CA10: variants seen among roughly 807,000 people sequenced by gnomAD.
The protein encoded by CA10 is carbonic anhydrase 10 (inactive), also known as carbonic anhydrase-related protein 10.
Under a neutral mutation model 44.2 loss-of-function variants are expected in CA10, and 14 were observed. That is an observed-to-expected ratio of 0.32 (90% CI 0.21 to 0.50). The LOEUF (loss-of-function observed/expected upper bound fraction) is 0.50. Among genes scored for constraint, CA10 ranks in the 20% least tolerant of loss-of-function variants. CA10 has a pLI of 0.99. For synonymous variants in CA10, 159 were observed against 141.6 expected, an observed-to-expected ratio of 1.12 and a Z score of -0.87; for missense variants, 350 against 409.7, an observed-to-expected ratio of 0.85 and a Z score of 1.26.
At chr17:52,154,164 A>G (rs1989757827) in intron 1 of CA10, among the ~76,000 whole-genome samples, 1 of 152,196 alleles carries the variant, frequency 6.6e-6, no homozygotes, top group Admixed American at 6.5e-5. Flanking sequence ...ATTCTTTCAG[A>G]GACATCAAAA....
At chr17:52,137,920 C>T (rs1989394818) in intron 1 of CA10, among the ~76,000 whole-genome samples, 2 of 152,074 alleles carry the variant, frequency 1.3e-5, no homozygotes, top group Admixed American at 1.3e-4. Context: ...GTCATGCTCC[C>T]TGGACTGTCA....
At chr17:52,043,544 C>A (rs556643922) in intron 2 of CA10, among the ~76,000 whole-genome samples, 2 of 151,978 alleles carry the variant, frequency 1.3e-5, no homozygotes, top group Non-Finnish European at 2.9e-5. Context: ...CAATTTGAAT[C>A]TTTTATTTCT....
chr17:51,771,346 G>A (rs758820531), intron 3 of CA10, among the ~76,000 whole-genome samples: 1 of 152,038 alleles, frequency 6.6e-6, no homozygotes, highest in Non-Finnish European at 1.5e-5. Context: ...GATGTGAAAA[G>A]GTGCTCCTTA....
At chr17:51,800,867 G>T (rs545318872) in intron 3 of CA10, among the ~76,000 whole-genome samples, 2 of 152,140 alleles carry the variant, frequency 1.3e-5, no homozygotes, top group East Asian at 3.9e-4. Flanking sequence ...ATGGATTTTG[G>T]GGGTATCCAC....
At chr17:51,812,545 G>A (rs899457369) in intron 3 of CA10, among the ~76,000 whole-genome samples, 8 of 152,200 alleles carry the variant, frequency 5.3e-5, no homozygotes, top group Admixed American at 3.3e-4. Context: ...ACTAATCCAT[G>A]GATGTTGAGG....
At chr17:51,854,697 A>T (rs1483008472) in intron 3 of CA10, among the ~76,000 whole-genome samples, 1 of 151,298 alleles carries the variant, frequency 6.6e-6, no homozygotes, top group Non-Finnish European at 1.5e-5. Context: ...ATATGGTACA[A>T]GGCACTCTAA....
intron 1 of CA10, among the ~76,000 whole-genome samples, chr17:52,076,292 T>G (rs956199598): frequency 1.3e-5 from 2 of 152,214 alleles, no homozygotes; most frequent in Admixed American, 1.3e-4. Context: ...ACCAAAAGCT[T>G]CTGTTCCATC....
At position 51,747,794 on chromosome 17, in the gene CA10, C is replaced by T. The variant is rs766432966; in HGVS notation, c.304G>A (p.Gly102Arg). 3.7e-6 allele frequency: 6 copies of T among 1,613,162 alleles called. No individual in the cohort carries two copies. The South Asian group carries it at 6.6e-5, about 18-fold the overall frequency. Reference sequence around the variant, plus strand: ...TCCAGGCGAAGGGATACGTGTCTTCCAGTGTTGTACATGGTCCCACTGACC... The same window carrying T: ...TCCAGGCGAAGGGATACGTGTCTTCTAGTGTTGTACATGGTCCCACTGACC... The part of the protein sequence containing the change: ...RKVSGTMYNT[G>R]RHVSLRLDKE... Residue 102 changes from glycine (G) to arginine (R), a missense_variant, in exon 4 of 9, where the codon GGA (glycine) becomes AGA (arginine). Physicochemically the swap from Gly to Arg is moderately radical, Grantham distance 125 (BLOSUM62 -2). Transcript: ENST00000451037.
intron 3 of CA10, among the ~76,000 whole-genome samples, chr17:51,920,128 T>C (rs539045397): frequency 6.6e-6 from 1 of 152,336 alleles, no homozygotes; most frequent in South Asian, 2.1e-4. Flanking sequence ...ATAAAAATTA[T>C]ACTCAGTTCT....
At chr17:52,017,571 C>T (rs549698326) in intron 2 of CA10, among the ~76,000 whole-genome samples, 3 of 152,238 alleles carry the variant, frequency 2.0e-5, no homozygotes, top group Non-Finnish European at 2.9e-5. Context: ...GAAGATGTGG[C>T]ATGGCTGCTT....
At chr17:52,150,671 T>C (rs182003010) in intron 1 of CA10, among the ~76,000 whole-genome samples, 5 of 152,306 alleles carry the variant, frequency 3.3e-5, no homozygotes, top group African/African-American at 1.2e-4. Flanking sequence ...TGTAGTAAGA[T>C]AAAACTGCTA....
At chr17:51,886,687 G>A (rs1027084046) in intron 3 of CA10, among the ~76,000 whole-genome samples, 2 of 152,210 alleles carry the variant, frequency 1.3e-5, no homozygotes, top group Non-Finnish European at 2.9e-5. Context: ...GTTTCTGGAA[G>A]AGATTAGCAT....
At chr17:51,798,432 C>T (rs1906798520) in intron 3 of CA10, among the ~76,000 whole-genome samples, 1 of 152,190 alleles carries the variant, frequency 6.6e-6, no homozygotes, top group African/African-American at 2.4e-5. Context: ...ATGGCTAAAA[C>T]TTCTGGTTTA....
chr17:51,639,980 C>T (rs530298702), intron 6 of CA10, among the ~76,000 whole-genome samples: 3 of 152,272 alleles, frequency 2.0e-5, no homozygotes, highest in African/African-American at 7.2e-5. Flanking sequence ...CCTACCCTGC[C>T]CTGGAATAAC....
At chr17:51,769,129 G>A (rs776629273) in intron 3 of CA10, among the ~76,000 whole-genome samples, 5 of 152,002 alleles carry the variant, frequency 3.3e-5, no homozygotes, top group Admixed American at 6.6e-5. Context: ...AACAGCATTC[G>A]GATGACTAAT....
intron 2 of CA10, among the ~76,000 whole-genome samples, chr17:51,957,955 G>A (rs918332852): frequency 3.3e-5 from 5 of 151,304 alleles, no homozygotes; most frequent in Non-Finnish European, 5.9e-5. Context: ...CCCAGAGAAG[G>A]CTGTTTCTGC....
At chr17:51,862,719 CT>C (rs759768321) in intron 3 of CA10, among the ~76,000 whole-genome samples, 11 of 151,786 alleles carry the variant, frequency 7.2e-5, no homozygotes, top group Non-Finnish European at 1.6e-4. Context: ...TGGTTGAGTT[CT>C]GGTGAGGGTG....
At chr17:52,106,717 A>G (rs2143268673) in intron 1 of CA10, among the ~76,000 whole-genome samples, 1 of 152,348 alleles carries the variant, frequency 6.6e-6, no homozygotes, top group East Asian at 1.9e-4. Flanking sequence ...TCCATTTAGC[A>G]GATATTGATT....
intron 3 of CA10, among the ~76,000 whole-genome samples, chr17:51,843,631 T>G (rs1978372680): frequency 6.6e-6 from 1 of 151,766 alleles, no homozygotes; most frequent in Non-Finnish European, 1.5e-5. Context: ...ATCCTAGTAA[T>G]AGTGTCTAAT....
Sources: gnomAD v4.1 joint callset for allele counts (sites outside exome capture counted in the v4.1 genomes callset) on GRCh38, gnomAD v4.1.1 for gene constraint, MANE v1.5 for transcripts, NCBI Gene and HGNC (gene_info 2026-07-23, HGNC 2026-07-21) for gene names.